RPUSD1: variants seen among roughly 807,000 people sequenced by gnomAD.
The protein encoded by RPUSD1 is pseudouridylate synthase RPUSD1.
A neutral mutation model predicts 22.4 loss-of-function variants in RPUSD1; 28 were observed. The observed-to-expected ratio is 1.25, with a 90% CI of 0.93 to 1.72. The LOEUF is 1.72. Among genes scored for constraint, RPUSD1 ranks in the 40% most tolerant of loss-of-function variants. The pLI is 0.00. For synonymous variants in RPUSD1, 298 were observed against 201.0 expected, an observed-to-expected ratio of 1.48 and a Z score of -4.08; for missense variants, 596 against 442.2, an observed-to-expected ratio of 1.35 and a Z score of -3.12.
At chr16:786,602 C>T (rs2041922886) in intron 5 of RPUSD1, 2 of 738,864 alleles carry the variant, frequency 2.7e-6, no homozygotes, top group Admixed American at 4.0e-5. Flanking sequence ...GGTGCTCGGT[C>T]CTGGAGAATC....
intron 5 of RPUSD1, 97 bp from the exon 6 acceptor site, chr16:786,474 A>G (rs539462653): frequency 3.2e-6 from 4 of 1,248,476 alleles, no homozygotes; most frequent in Middle Eastern, 2.5e-4. Flanking sequence ...ACCCCGCTGC[A>G]GTCTTGAAGC....
Position 785,823 on chromosome 16 carries a change from G to C in RPUSD1, c.*127C>G. 5.7e-6 allele frequency: 5 copies of C among 884,690 alleles called. No individual in the cohort carries two copies. The South Asian group carries it at 1.3e-4, about 22-fold the overall frequency. The allele number at this position is 884,690 out of a possible 1,614,324, so 54.8% of individuals were successfully genotyped here. ...AGCCCTTCCTCGCAGGCCTGGCCGG[G>C]GCAACCCAGTGGGCCTGATGCTGCC... is the stretch of plus-strand genomic sequence containing the variant. On this transcript the variant is annotated 3_prime_UTR_variant, in exon 6 of 6. Transcript: ENST00000007264.
chr16:788,108 G>A (rs1423112058), intron 1 of RPUSD1, 148 bp downstream of exon 1: 3 of 472,408 alleles, frequency 6.4e-6, no homozygotes, highest in Non-Finnish European at 8.1e-6. Flanking sequence ...TACCAGGCCC[G>A]GCAGCCAGGT....
intron 5 of RPUSD1, 119 bp from the exon 6 acceptor site, chr16:786,496 G>T: frequency 1.0e-6 from 1 of 999,730 alleles, no homozygotes; most frequent in Non-Finnish European, 1.5e-6. Flanking sequence ...GCCTCTTGGG[G>T]TGGAACTCTC....
chr16:786,648 C>A (rs371419836), intron 5 of RPUSD1, 179 bp downstream of exon 5: 2 of 739,650 alleles, frequency 2.7e-6, no homozygotes, highest in Admixed American at 2.0e-5. Flanking sequence ...CAGTCAGGAG[C>A]CAGCAGGGAC....
In RPUSD1 at chr16:787,740, C is replaced by A; in HGVS notation, c.-3G>T. 6.2e-7 allele frequency: 1 copy of A among 1,607,098 alleles called. No homozygotes were observed. The highest frequency in any genetic ancestry group is 1.7e-5 in the Admixed American group (1 of 59,960). On this transcript the variant is annotated 5_prime_UTR_variant, in exon 2 of 6. Transcript: ENST00000007264. ...TTCTCCACGCTGCCTGGCTCCATGG[C>A]CGGCCTGCCGAGCCACGCGTGGGTG...
chr16:786,262 G>A lies in RPUSD1; in HGVS notation c.627C>T (p.His209=), dbSNP rs192944879. 3.2e-5 allele frequency: 52 copies of A among 1,612,768 alleles called. No homozygotes were observed. In the East Asian group the frequency reaches 6.7e-4, roughly 21 times the overall value. Residue 209 remains histidine, a synonymous_variant, in exon 6 of 6, where the codon CAC becomes CAT. Coordinates refer to ENST00000007264, the MANE Select transcript of RPUSD1 (RefSeq NM_058192.3). ...REDRPFRMML[H]AFYLRIPTDT... The stretch of plus-strand genomic sequence containing the variant: ...CCGTGGGGATGCGCAGGTAGAAAGC[G>A]TGCAGCATCATTCTGAACGGCCGGT...
chr16:787,054 C>G, intron 4 of RPUSD1, 23 bp downstream of exon 4: 1 of 1,596,124 alleles, frequency 6.3e-7, no homozygotes. Flanking sequence ...GATGCCCGCC[C>G]GGTGGGTCCC....
chr16:786,468 C>T lies in RPUSD1; in HGVS notation c.512-91G>A, dbSNP rs77282069. On this transcript the variant is annotated intron_variant, in intron 5 of 5. Transcript: ENST00000007264. ...CAGGACCCACCTCCCGTCATGACCC[C>T]GCTGCAGTCTTGAAGCAGCCTCTTG... 5.3e-3 allele frequency: 7,064 copies of T among 1,332,498 alleles called. 266 individuals are homozygous for T. The African/African-American group carries it at 0.078, about 15-fold the overall frequency. The allele number at this position is 1,332,498 out of a possible 1,614,324, so 82.5% of individuals were successfully genotyped here. A position where few individuals can be genotyped will look rare whatever the true frequency, so the allele number is the denominator to read the frequency against.
rs1567382364 is a variant in RPUSD1 at position 787,711 on chromosome 16, C to T, written c.27G>A (p.Leu9=). 2 of 1,611,484 alleles carry T rather than the reference C, an allele frequency of 1.2e-6. No homozygotes were observed. Among genetic ancestry groups the T allele is most frequent in the Non-Finnish European group, 1.7e-6 (2 of 1,179,908 alleles). ...AGTCGCGGCTCCGGTACACGATGGA[C>T]AGGTTCTCCACGCTGCCTGGCTCCA... The part of the protein sequence containing the change: MEPGSVEN[L]SIVYRSRDFL... The change falls in exon 2 of 6, where the codon CTG becomes CTA. Residue 9 remains leucine, a synonymous_variant. Coordinates refer to ENST00000007264, the MANE Select transcript of RPUSD1 (RefSeq NM_058192.3).
chr16:787,218 G>A (rs1435147052), intron 3 of RPUSD1, 39 bp from the exon 4 acceptor site: 2 of 1,566,202 alleles, frequency 1.3e-6, no homozygotes, highest in Non-Finnish European at 1.7e-6. Flanking sequence ...TCACGGGGCA[G>A]CCCAGTGCTG....
chr16:786,466 C>T (rs1209100636), intron 5 of RPUSD1, 89 bp from the exon 6 acceptor site: 4 of 1,342,882 alleles, frequency 3.0e-6, no homozygotes, highest in Admixed American at 2.0e-5. Context: ...CCGTCATGAC[C>T]CCGCTGCAGT....
chr16:787,128 T>C lies in RPUSD1; in HGVS notation c.358A>G (p.Arg120Gly), dbSNP rs959536389. The change falls in exon 4 of 6, where the codon AGG becomes GGG. Residue 120 changes from arginine to glycine, a missense_variant. Arg to Gly is a moderately radical substitution (Grantham distance 125). Coordinates refer to ENST00000007264, the MANE Select transcript of RPUSD1 (RefSeq NM_058192.3). ...TGGGCCCGGCCCTCCGTGCTGTTCC[T>C]GCCAATGGCATGGCTGATGGTTACC... ...SRVTISHAIG[R>G]NSTEGRAHTM... 1.1e-5 allele frequency: 18 copies of C among 1,608,700 alleles called. No individual in the cohort carries two copies. Among genetic ancestry groups the C allele is most frequent in the African/African-American group, 2.7e-5 (2 of 74,880 alleles).
rs2041876381 is a variant in RPUSD1 at position 785,667 on chromosome 16, A to G, written c.*283T>C. 1 of 372,942 alleles carries G rather than the reference A, an allele frequency of 2.7e-6. No homozygotes were observed. Among genetic ancestry groups the G allele is most frequent in the East Asian group, 4.0e-5 (1 of 25,174 alleles). 23.1% of individuals were successfully genotyped at this position (372,942 alleles called of 1,614,324 possible). A position where few individuals can be genotyped will look rare whatever the true frequency, so the allele number is the denominator to read the frequency against. The stretch of plus-strand genomic sequence containing the variant: ...GAGAGCCGGAAGCTGTTCCAGGAGG[A>G]GGGAGGGGCCTCGGTTTCTCCCGGG... On this transcript the variant is annotated 3_prime_UTR_variant, in exon 6 of 6. Coordinates refer to ENST00000007264, the MANE Select transcript of RPUSD1 (RefSeq NM_058192.3).
In RPUSD1 at chr16:785,944, C is replaced by G; in HGVS notation, c.*6G>C. 1 of 1,431,330 alleles carries G rather than the reference C, an allele frequency of 7.0e-7. No individual in the cohort carries two copies. The highest frequency in any genetic ancestry group is 9.1e-7 in the Non-Finnish European group (1 of 1,095,410). 88.7% of individuals were successfully genotyped at this position (1,431,330 alleles called of 1,614,324 possible). On this transcript the variant is annotated 3_prime_UTR_variant, in exon 6 of 6. Coordinates refer to ENST00000007264, the MANE Select transcript of RPUSD1 (RefSeq NM_058192.3). ...GCTGACACCCCCTGCCCCAGCCCCA[C>G]GGCTCTCAGCTGTCCGGTTCCAGCG...
Position 786,221 on chromosome 16 carries a change from T to C in RPUSD1, c.668A>G (p.Glu223Gly). ...CAGGAAGGGGTCAGGCGTGCAGACCTCCACACACTCGGTGTCCGTGGGGAT... is the reference window on the plus strand; with the variant it reads ...CAGGAAGGGGTCAGGCGTGCAGACCCCCACACACTCGGTGTCCGTGGGGAT... ...LRIPTDTECV[E>G]VCTPDPFLPS... is the part of the protein sequence containing the mutation. The change falls in exon 6 of 6, where the codon GAG becomes GGG. Residue 223 changes from glutamate to glycine, a missense_variant. Glu to Gly is a moderately conservative substitution (Grantham distance 98, BLOSUM62 -2). Coordinates refer to ENST00000007264, the MANE Select transcript of RPUSD1 (RefSeq NM_058192.3). 6.2e-7 allele frequency: 1 copy of C among 1,612,686 alleles called. No individual in the cohort carries two copies. The highest frequency in any genetic ancestry group is 8.5e-7 in the Non-Finnish European group (1 of 1,179,910).
Position 785,851 on chromosome 16 carries a change from G to T in RPUSD1, c.*99C>A. The T allele has an allele frequency of 1.8e-6, 2 of 1,119,344 alleles. No individual in the cohort carries two copies. Among genetic ancestry groups the T allele is most frequent in the Non-Finnish European group, 2.4e-6 (2 of 843,892 alleles). The allele number at this position is 1,119,344 out of a possible 1,614,324, so 69.3% of individuals were successfully genotyped here. ...AACCCAGTGGGCCTGATGCTGCCTG[G>T]CACCTCGAGGCCCCAGAGCCAGTGA... On this transcript the variant is annotated 3_prime_UTR_variant, in exon 6 of 6. Transcript: ENST00000007264.
intron 5 of RPUSD1, 62 bp from the exon 6 acceptor site, chr16:786,439 T>C (rs1433575542): frequency 2.0e-6 from 3 of 1,520,414 alleles, no homozygotes; most frequent in East Asian, 2.3e-5. Flanking sequence ...CCTATCTCCC[T>C]GACCAGGACC....
At position 787,721 on chromosome 16, in the gene RPUSD1, A is replaced by G. The variant is rs543912454; in HGVS notation, c.17T>C (p.Val6Ala). 6.2e-7 allele frequency: 1 copy of G among 1,610,746 alleles called. No individual in the cohort carries two copies. The highest frequency in any genetic ancestry group is 2.2e-5 in the East Asian group (1 of 44,868). ...CCGGTACACGATGGACAGGTTCTCC[A>G]CGCTGCCTGGCTCCATGGCCGGCCT... MEPGS[V>A]ENLSIVYRSR... The change falls in exon 2 of 6, where the codon GTG becomes GCG. Residue 6 changes from valine to alanine, a missense_variant. By Grantham distance (64) the Val-to-Ala change is moderately conservative. Coordinates refer to ENST00000007264, the MANE Select transcript of RPUSD1 (RefSeq NM_058192.3).
Sources: allele counts gnomAD v4.1 joint callset, GRCh38; gene constraint gnomAD v4.1.1; transcripts MANE v1.5; gene names NCBI Gene and HGNC (gene_info 2026-07-23, HGNC 2026-07-21).